JCAD: variants seen among roughly 807,000 people sequenced by gnomAD.
JCAD encodes junctional cadherin 5-associated protein.
JCAD carries 40 observed loss-of-function variants against 98.0 expected under a neutral mutation model. The observed-to-expected ratio is 0.41, with a 90% CI of 0.32 to 0.53. The LOEUF (loss-of-function observed/expected upper bound fraction) is 0.53, where lower values mean the gene tolerates loss of function less well. Ranked by LOEUF, JCAD falls within the 20% of genes least tolerant of loss-of-function variation. JCAD has a pLI of 0.31. For missense variants in JCAD, 1,705 were observed against 1,738.1 expected, an observed-to-expected ratio of 0.98 and a Z score of 0.34; for synonymous variants, 691 against 682.3, an observed-to-expected ratio of 1.01 and a Z score of -0.20.
chr10:30,113,547 T>A (rs1382146969), intron 1 of JCAD, among the ~76,000 whole-genome samples: 2 of 9,598 alleles, frequency 2.1e-4, no homozygotes, highest in African/African-American at 2.2e-3. Flanking sequence ...CGAGACACTG[T>A]CAAAAAAAAA....
At position 30,047,736 on chromosome 10, in the gene JCAD, T is replaced by C; in HGVS notation, c.77A>G (p.Asn26Ser). 6.2e-7 allele frequency: 1 copy of C among 1,614,128 alleles called. No individual in the cohort carries two copies. ...CCTCGCTGCCTGGCGCCCCTTGGGG[T>C]TATCCTCGCGTGATGCTGGGGGGTC... ...SRDPPASRED[N>S]PKGRQAARTG... Residue 26 changes from asparagine (N) to serine (S), a missense_variant, in exon 2 of 4, where the codon AAC (asparagine) becomes AGC (serine). By Grantham distance (46) the Asn-to-Ser change is conservative. This residue lies in a region of JCAD where 152 missense variants were observed against 148.0 expected (regional missense o/e 1.03). Coordinates refer to ENST00000375377, the MANE Select transcript of JCAD (RefSeq NM_020848.4).
At chr10:30,020,164 T>C (rs920178995) in intron 3 of JCAD, among the ~76,000 whole-genome samples, 1 of 151,226 alleles carries the variant, frequency 6.6e-6, no homozygotes, top group Non-Finnish European at 1.5e-5. Flanking sequence ...CCATCTCTAC[T>C]AAAAATACAA....
intron 3 of JCAD, among the ~76,000 whole-genome samples, chr10:30,023,614 C>G (rs1189228951): frequency 6.6e-6 from 1 of 152,112 alleles, no homozygotes; most frequent in Non-Finnish European, 1.5e-5. Flanking sequence ...CCCGAGGAAG[C>G]TGTCAACATG....
intron 2 of JCAD, among the ~76,000 whole-genome samples, chr10:30,041,681 G>A (rs1837245131): frequency 6.6e-6 from 1 of 152,074 alleles, no homozygotes; most frequent in African/African-American, 2.4e-5. Context: ...TATTCTCATG[G>A]GTAACTAACA....
intron 1 of JCAD, among the ~76,000 whole-genome samples, chr10:30,081,411 A>G (rs1838082590): frequency 6.6e-6 from 1 of 152,176 alleles, no homozygotes; most frequent in African/African-American, 2.4e-5. Flanking sequence ...GAAGGCGTAG[A>G]GCTGAATCTG....
At chr10:30,093,356 C>T (rs1212145141) in intron 1 of JCAD, among the ~76,000 whole-genome samples, 1 of 152,142 alleles carries the variant, frequency 6.6e-6, no homozygotes, top group Non-Finnish European at 1.5e-5. Context: ...TTTTGGTGTC[C>T]ACATATTCGT....
intron 1 of JCAD, among the ~76,000 whole-genome samples, chr10:30,090,801 C>T (rs1005193854): frequency 1.3e-5 from 2 of 152,128 alleles, no homozygotes; most frequent in Admixed American, 6.6e-5. Flanking sequence ...ATTGTCTGTC[C>T]GTTAGCTTCT....
At position 30,028,900 on chromosome 10, in the gene JCAD, G is replaced by A. The variant is rs1433320301; in HGVS notation, c.1248C>T (p.Ala416=). The change falls in exon 3 of 4, where the codon GCC becomes GCT. Residue 416 remains alanine, a synonymous_variant. Coordinates refer to ENST00000375377, the MANE Select transcript of JCAD (RefSeq NM_020848.4). ...GAATGTACTGAACGAAGCCGTCATA[G>A]GCAGTGACAGGTCGGGGATGTGCGG... The part of the protein sequence containing the change: ...GLPAHPRPVT[A]YDGFVQYIPF... The A allele has an allele frequency of 4.3e-6, 7 of 1,614,086 alleles. No individual in the cohort carries two copies. The highest frequency in any genetic ancestry group is 5.9e-6 in the Non-Finnish European group (7 of 1,180,048).
chr10:30,067,034 G>C (rs1196713964), intron 2 of JCAD, among the ~76,000 whole-genome samples: 3 of 151,900 alleles, frequency 2.0e-5, no homozygotes. Context: ...GCCAGGTATA[G>C]TAGTACATGC....
chr10:30,032,081 G>A (rs1345920623), intron 2 of JCAD, among the ~76,000 whole-genome samples: 1 of 152,060 alleles, frequency 6.6e-6, no homozygotes, highest in Non-Finnish European at 1.5e-5. Context: ...AAGCATTTCA[G>A]AGGATTCTTA....
chr10:30,036,218 CG>C (rs1057324135), intron 2 of JCAD, among the ~76,000 whole-genome samples: 30 of 152,096 alleles, frequency 2.0e-4, no homozygotes, highest in Non-Finnish European at 2.9e-4. Context: ...CTGAGGCGGA[CG>C]GATCACCTGA....
intron 1 of JCAD, among the ~76,000 whole-genome samples, chr10:30,112,910 G>A (rs919621231): frequency 6.6e-6 from 1 of 150,680 alleles, no homozygotes; most frequent in Non-Finnish European, 1.5e-5. Context: ...ATGAAATGCA[G>A]CTCAGGGGTT....
chr10:30,017,674 T>C lies in JCAD; in HGVS notation c.*209A>G. ...TAAATCTTCATGCTATAAAAACAGA[T>C]GGTTTCAACGGACGATTGCTTTATC... On this transcript the variant is annotated 3_prime_UTR_variant, in exon 4 of 4. Transcript: ENST00000375377. The C allele has an allele frequency of 3.2e-6, 2 of 626,172 alleles. No individual in the cohort carries two copies. Among genetic ancestry groups the C allele is most frequent in the Non-Finnish European group, 2.8e-6 (1 of 354,394 alleles). 38.8% of individuals were successfully genotyped at this position (626,172 alleles called of 1,614,324 possible).
chr10:30,026,987 G>A lies in JCAD; in HGVS notation c.3161C>T (p.Thr1054Ile). The A allele has an allele frequency of 6.2e-7, 1 of 1,614,192 alleles. No individual in the cohort carries two copies. Among genetic ancestry groups the A allele is most frequent in the Non-Finnish European group, 8.5e-7 (1 of 1,180,028 alleles). ...SAPDLRSVGLTPGQEQGASEL... is the reference protein window; with the variant it reads ...SAPDLRSVGLIPGQEQGASEL... ...ACTGGCACCCTGTTCTTGCCCAGGG[G>A]TGAGCCCCACAGACCGTAAGTCTGG... Residue 1054 changes from threonine to isoleucine, a missense_variant, in exon 3 of 4, where the codon ACC (threonine) becomes ATC (isoleucine). Physicochemically the swap from Thr to Ile is moderately conservative, Grantham distance 89 (BLOSUM62 -1). Transcript: ENST00000375377.
intron 1 of JCAD, among the ~76,000 whole-genome samples, chr10:30,069,981 T>C (rs890167731): frequency 1.3e-5 from 2 of 152,142 alleles, no homozygotes; most frequent in African/African-American, 4.8e-5. Context: ...GTTAGCCTCT[T>C]ATGGACCTGA....
At chr10:30,018,073 T>C (rs1589672898) in intron 3 of JCAD, among the ~76,000 whole-genome samples, 156 bp from the exon 4 acceptor site, 1 of 152,108 alleles carries the variant, frequency 6.6e-6, no homozygotes, top group African/African-American at 2.4e-5. Flanking sequence ...CACTAAGGAG[T>C]AAAAAACTAT....
chr10:30,104,757 C>T (rs1451988070), intron 1 of JCAD, among the ~76,000 whole-genome samples: 1 of 151,536 alleles, frequency 6.6e-6, no homozygotes, highest in Non-Finnish European at 1.5e-5. Flanking sequence ...AAATTAAAAA[C>T]ATATGCTTGT....
chr10:30,048,529 A>G (rs141192623), intron 1 of JCAD, among the ~76,000 whole-genome samples: 1 of 151,768 alleles, frequency 6.6e-6, no homozygotes, highest in East Asian at 1.9e-4. Context: ...TACACACCCA[A>G]TTCACTACAC....
chr10:30,103,851 CCTCCCGAGTAG>C (rs1356618581), intron 1 of JCAD, among the ~76,000 whole-genome samples: 1 of 151,788 alleles, frequency 6.6e-6, no homozygotes, highest in Non-Finnish European at 1.5e-5. Flanking sequence ...CCTACCTCAG[CCTCCCGAGTAG>C]CTGGGATTAC....
Sources: allele counts gnomAD v4.1 joint callset (sites outside exome capture counted in the v4.1 genomes callset), GRCh38; gene constraint gnomAD v4.1.1; regional missense constraint gnomAD v4.1.1; transcripts MANE v1.5; gene names NCBI Gene and HGNC (gene_info 2026-07-23, HGNC 2026-07-21).